The following NGDN variants were observed in gnomAD, a reference collection of about 807,000 sequenced individuals.
NGDN encodes neuroguidin, also known as EIF4E-binding protein.
In NGDN, 41 loss-of-function variants were observed where a neutral mutation model predicts 45.2. That is an observed-to-expected ratio of 0.91 (90% CI 0.71 to 1.18). The LOEUF is 1.18. Among genes scored for constraint, NGDN ranks in the 50% most tolerant of loss-of-function variants. The pLI is 0.00. For missense variants in NGDN, 402 were observed against 399.9 expected (o/e 1.01, Z -0.05); for synonymous variants, 137 against 130.9 (o/e 1.05, Z -0.32).
Position 23,473,800 on chromosome 14 carries a change from C to T in NGDN, c.145-1371C>T, listed in dbSNP as rs1256782183. On this transcript the variant is annotated intron_variant, in intron 3 of 10. Transcript: ENST00000408901. ...TGTAAGCACAAATCTGCTATAACTCCTGTGCTTAAAACTCCTTCAGTGACT... is the reference window on the plus strand; with the variant it reads ...TGTAAGCACAAATCTGCTATAACTCTTGTGCTTAAAACTCCTTCAGTGACT... Among the ~76,000 whole-genome samples, 3 of 152,286 alleles carry T rather than the reference C, an allele frequency of 2.0e-5. No homozygotes were observed. The East Asian group carries it at 5.8e-4, about 29-fold the overall frequency.
Position 23,472,869 on chromosome 14 carries a change from A to T in NGDN, c.144+1892A>T, listed in dbSNP as rs76303021. Reference sequence around the variant, plus strand: ...TGTTCTTATTGTCCATTTTTATTTAAAAAAAATTTAAATCTTTGTTTTTCT... The same window carrying T: ...TGTTCTTATTGTCCATTTTTATTTATAAAAAATTTAAATCTTTGTTTTTCT... On this transcript the variant is annotated intron_variant, in intron 3 of 10. Transcript: ENST00000408901. Among the ~76,000 whole-genome samples the T allele has an allele frequency of 1.7e-4, 26 of 152,296 alleles. No individual in the cohort carries two copies. In the East Asian group the frequency reaches 4.2e-3, roughly 25 times the overall value.
chr14:23,469,823 G>A (rs1893730399), intron 1 of NGDN, 96 bp downstream of exon 1: 1 of 1,518,682 alleles, frequency 6.6e-7, no homozygotes. Flanking sequence ...GGGAAGGGTG[G>A]TGATGAAAGT....
At chr14:23,473,344 T>A (rs1404494578) in intron 3 of NGDN, among the ~76,000 whole-genome samples, 1 of 152,234 alleles carries the variant, frequency 6.6e-6, no homozygotes. Flanking sequence ...TGGAGATGGA[T>A]GAGTTGCCAG....
rs776131774 is a variant in NGDN at position 23,469,740 on chromosome 14, T to C, written c.12+13T>C. 23 of 1,614,128 alleles carry C rather than the reference T, an allele frequency of 1.4e-5. No homozygotes were observed. Among genetic ancestry groups the C allele is most frequent in the Non-Finnish European group, 1.9e-5 (23 of 1,179,998 alleles). On this transcript the variant is annotated intron_variant, in intron 1 of 10. Transcript: ENST00000408901. ...GATGGCGGCGCTGGTGAGTTTGGTGTGGTTTCTTCCTCGCGTAGCTATTGT... is the reference window on the plus strand; with the variant it reads ...GATGGCGGCGCTGGTGAGTTTGGTGCGGTTTCTTCCTCGCGTAGCTATTGT...
chr14:23,475,743 C>T lies in NGDN; in HGVS notation c.385C>T (p.Arg129Cys), dbSNP rs774970600. 10 of 1,613,398 alleles carry T rather than the reference C, an allele frequency of 6.2e-6. 1 individual carries two copies. In the South Asian group the frequency reaches 6.6e-5, roughly 11 times the overall value. The change falls in exon 6 of 11, where the codon CGT becomes TGT. Residue 129 changes from arginine (R) to cysteine (C), a missense_variant. Arg to Cys is a radical substitution (Grantham distance 180, BLOSUM62 -3). Coordinates refer to ENST00000408901, the MANE Select transcript of NGDN (RefSeq NM_001042635.2). Reference sequence around the variant, plus strand: ...TATTTCAGGTGAGAATGACCCACTTCGTTTTAAGCCTCATCCCAGCAATAT... The same window carrying T: ...TATTTCAGGTGAGAATGACCCACTTTGTTTTAAGCCTCATCCCAGCAATAT... Reference protein sequence around the residue: ...TGSLSENDPLRFKPHPSNMMS... With the variant: ...TGSLSENDPLCFKPHPSNMMS...
At chr14:23,470,298 G>A (rs970922432) in intron 2 of NGDN, 197 bp downstream of exon 2, 3 of 562,780 alleles carry the variant, frequency 5.3e-6, no homozygotes, top group Non-Finnish European at 9.5e-6. Context: ...ACTCCAAAAA[G>A]AAATTATATG....
In NGDN at chr14:23,469,934, G is replaced by A; in HGVS notation, c.13-108G>A. The A allele has an allele frequency of 3.1e-6, 4 of 1,292,976 alleles. No individual in the cohort carries two copies. In the South Asian group the frequency reaches 5.1e-5, roughly 16 times the overall value. The allele number at this position is 1,292,976 out of a possible 1,614,324, so 80.1% of individuals were successfully genotyped here. ...GTGAACCCGAGTGTGAAGGCCCCGA[G>A]TCTGGGTGTCTGACGGAGAGAGGGC... On this transcript the variant is annotated intron_variant, in intron 1 of 10. Coordinates refer to ENST00000408901, the MANE Select transcript of NGDN (RefSeq NM_001042635.2).
rs1319151419 is a variant in NGDN at position 23,476,240 on chromosome 14, T to C, written c.546T>C (p.Asp182=). 4 of 1,613,958 alleles carry C rather than the reference T, an allele frequency of 2.5e-6. No homozygotes were observed. Among genetic ancestry groups the C allele is most frequent in the Non-Finnish European group, 3.4e-6 (4 of 1,179,952 alleles). Reference sequence around the variant, plus strand: ...ACCCTGCTTATTTTCATCATGTAGATGAAACAGAAGCTGAGCGGGAGAAGA... The same window carrying C: ...ACCCTGCTTATTTTCATCATGTAGACGAAACAGAAGCTGAGCGGGAGAAGA... ...VPPRLVPVHY[D]ETEAEREKKR... is the part of the protein sequence containing the mutation. Residue 182 remains aspartate, a splice_region_variant and synonymous_variant, in exon 8 of 11, where the codon GAT becomes GAC. Coordinates refer to ENST00000408901, the MANE Select transcript of NGDN (RefSeq NM_001042635.2).
intron 3 of NGDN, among the ~76,000 whole-genome samples, chr14:23,471,828 G>A (rs1214636477): frequency 6.6e-6 from 1 of 150,522 alleles, no homozygotes; most frequent in East Asian, 2.0e-4. Context: ...AAAAAAAATT[G>A]CTTATGACAT....
chr14:23,477,685 C>T (rs1331943319), intron 10 of NGDN, 125 bp downstream of exon 10: 1 of 1,516,282 alleles, frequency 6.6e-7, no homozygotes. Flanking sequence ...GGGCAATAAT[C>T]TCCTTAGGTG....
At chr14:23,477,422 T>C (rs1044327041) in intron 9 of NGDN, 66 bp downstream of exon 9, 23 of 1,612,320 alleles carry the variant, frequency 1.4e-5, no homozygotes, top group Non-Finnish European at 2.0e-5. Context: ...TATGTGGGGC[T>C]TATTACCATG....
Position 23,476,131 on chromosome 14 carries a change from C to T in NGDN, c.523C>T (p.Arg175Cys), listed in dbSNP as rs752718402. Residue 175 changes from arginine (R) to cysteine (C), a missense_variant, in exon 7 of 11, where the codon CGC (arginine) becomes TGC (cysteine). Physicochemically the swap from Arg to Cys is radical, Grantham distance 180. Coordinates refer to ENST00000408901, the MANE Select transcript of NGDN (RefSeq NM_001042635.2). ...KGVSKKYVPP[R>C]LVPVHYDETE... ...AGTGTCTAAGAAATATGTTCCTCCACGCTTGGTTCCAGTACATTATGGTAT... is the reference window on the plus strand; with the variant it reads ...AGTGTCTAAGAAATATGTTCCTCCATGCTTGGTTCCAGTACATTATGGTAT... 2.4e-5 allele frequency: 38 copies of T among 1,614,028 alleles called. No homozygotes were observed. The highest frequency in any genetic ancestry group is 1.6e-4 in the African/African-American group (12 of 74,914).
chr14:23,477,633 C>T, intron 10 of NGDN, 73 bp downstream of exon 10: 9 of 1,599,266 alleles, frequency 5.6e-6, no homozygotes, highest in African/African-American at 1.3e-5. Context: ...TTGGATTTGC[C>T]ATTCTGGGTC....
intron 3 of NGDN, chr14:23,471,446 A>C (rs990704642): frequency 3.9e-5 from 6 of 153,660 alleles, no homozygotes; most frequent in African/African-American, 1.4e-4. Context: ...CTGTAGGCCA[A>C]CTGAGGAGTT....
rs1250841304 is a variant in NGDN, at chr14:23,475,711, G to GA, written c.368-15_368-14insA. 9 of 1,613,878 alleles carry GA rather than the reference G, an allele frequency of 5.6e-6. No homozygotes were observed. The highest frequency in any genetic ancestry group is 1.3e-5 in the African/African-American group (1 of 74,898). Reference sequence around the variant, plus strand: ...GTTCCAAATTTTGTAAAATTCATTGGGTTATTTATTTCAGGTGAGAATGAC... The same window carrying GA: ...GTTCCAAATTTTGTAAAATTCATTGGAGTTATTTATTTCAGGTGAGAATGAC... On this transcript the variant is annotated splice_polypyrimidine_tract_variant and intron_variant, in intron 5 of 10. Coordinates refer to ENST00000408901, the MANE Select transcript of NGDN (RefSeq NM_001042635.2).
intron 6 of NGDN, 57 bp downstream of exon 6, chr14:23,475,835 C>A: frequency 6.5e-7 from 1 of 1,538,118 alleles, no homozygotes; most frequent in Non-Finnish European, 8.9e-7. Flanking sequence ...CCTAGATGAG[C>A]CTCTTGGTGA....
Position 23,470,069 on chromosome 14 carries a change from G to A in NGDN, c.40G>A (p.Ala14Thr), listed in dbSNP as rs1217938409. The A allele has an allele frequency of 2.5e-6, 4 of 1,614,128 alleles. No individual in the cohort carries two copies. In the South Asian group the frequency reaches 4.4e-5, roughly 18 times the overall value. ...LGVLESDLPS[A>T]VTLLKNLQEQ... ...GGTGCTGGAGTCCGACCTGCCAAGT[G>A]CCGTGACACTTCTGAAAAATCTCCA... is the stretch of plus-strand genomic sequence containing the variant. Residue 14 changes from alanine (A) to threonine (T), a missense_variant, in exon 2 of 11, where the codon GCC becomes ACC. Transcript: ENST00000408901.
chr14:23,477,415 G>A (rs1893929462), intron 9 of NGDN, 59 bp downstream of exon 9: 2 of 1,612,322 alleles, frequency 1.2e-6, no homozygotes, highest in African/African-American at 1.3e-5. Flanking sequence ...CAAAATGTAT[G>A]TGGGGCTTAT....
At chr14:23,470,265 C>T (rs1032198283) in intron 2 of NGDN, 164 bp downstream of exon 2, 21 of 615,334 alleles carry the variant, frequency 3.4e-5, no homozygotes, top group East Asian at 3.1e-4. Flanking sequence ...GTAATTGATT[C>T]TGCACCCAAG....
Sources: allele counts gnomAD v4.1 joint callset (sites outside exome capture counted in the v4.1 genomes callset), GRCh38; gene constraint gnomAD v4.1.1; transcripts MANE v1.5; gene names NCBI Gene and HGNC (gene_info 2026-07-23, HGNC 2026-07-21).